CTDSPL2: variants seen among roughly 807,000 people sequenced by gnomAD.
CTDSPL2 encodes CTD small phosphatase-like protein 2.
CTDSPL2 carries 5 observed loss-of-function variants against 60.0 expected under a neutral mutation model. That is an observed-to-expected ratio of 0.08 (90% CI 0.04 to 0.18). The LOEUF (loss-of-function observed/expected upper bound fraction) is 0.18, where lower values mean the gene tolerates loss of function less well. CTDSPL2 is among the 10% of genes least tolerant of loss of function. CTDSPL2 has a pLI of 1.00. For synonymous variants in CTDSPL2, 186 were observed against 189.3 expected (o/e 0.98, Z 0.14); for missense variants, 370 against 548.8 (o/e 0.67, Z 3.26).
chr15:44,507,227 G>C (rs1460646153), intron 8 of CTDSPL2, among the ~76,000 whole-genome samples: 12 of 152,042 alleles, frequency 7.9e-5, no homozygotes, highest in Non-Finnish European at 1.8e-4. Context: ...TGGGATTACA[G>C]GCATGGGCCA....
chr15:44,519,569 A>C (rs1390867695), intron 11 of CTDSPL2: 1 of 246,902 alleles, frequency 4.1e-6, no homozygotes, highest in African/African-American at 2.3e-5. Flanking sequence ...TTATTAAATC[A>C]GTAATTAGTA....
At position 44,527,493 on chromosome 15, in the gene CTDSPL2, C is replaced by A. The variant is rs2081893739; in HGVS notation, c.*3319C>A. ...AGATCTTTCCTGCGAGCACAGAATT[C>A]TTCATAAGGACCAGATCTCTTCCAT... On this transcript the variant is annotated 3_prime_UTR_variant, in exon 13 of 13. Coordinates refer to ENST00000260327, the MANE Select transcript of CTDSPL2 (RefSeq NM_016396.3). 1 of 152,120 alleles carries A rather than the reference C, an allele frequency of 6.6e-6. No homozygotes were observed. The highest frequency in any genetic ancestry group is 6.5e-5 in the Admixed American group (1 of 15,268). The allele number at this position is 152,120 out of a possible 1,614,324, so 9.4% of individuals were successfully genotyped here. A position where few individuals can be genotyped will look rare whatever the true frequency, so the allele number is the denominator to read the frequency against.
intron 1 of CTDSPL2, among the ~76,000 whole-genome samples, chr15:44,430,778 C>A (rs888442673): frequency 2.0e-5 from 3 of 151,734 alleles, no homozygotes; most frequent in Admixed American, 1.3e-4. Flanking sequence ...TAAAAAGTAC[C>A]TGATTGTTTT....
chr15:44,502,090 G>T, intron 8 of CTDSPL2: 1 of 374,450 alleles, frequency 2.7e-6, no homozygotes, highest in Non-Finnish European at 5.3e-6. Flanking sequence ...ACTATGATGT[G>T]GCCCACTTAA....
At chr15:44,496,814 T>C (rs2081308720) in intron 6 of CTDSPL2, among the ~76,000 whole-genome samples, 1 of 152,158 alleles carries the variant, frequency 6.6e-6, no homozygotes, top group South Asian at 2.1e-4. Context: ...TGACCTGTGA[T>C]AGAGTGAGAC....
chr15:44,448,152 G>T, intron 1 of CTDSPL2: 1 of 255,042 alleles, frequency 3.9e-6, no homozygotes, highest in South Asian at 4.1e-5. Context: ...CAGAGCCCAT[G>T]TGCTCAATGG....
intron 3 of CTDSPL2, among the ~76,000 whole-genome samples, chr15:44,485,966 T>C (rs2081111393): frequency 6.6e-6 from 1 of 152,220 alleles, no homozygotes; most frequent in Non-Finnish European, 1.5e-5. Context: ...TACTTTTATA[T>C]TCTTAAAAGA....
intron 2 of CTDSPL2, among the ~76,000 whole-genome samples, chr15:44,477,419 C>G (rs2080940657): frequency 6.6e-6 from 1 of 152,012 alleles, no homozygotes; most frequent in South Asian, 2.1e-4. Flanking sequence ...CCTGTAGTCC[C>G]AGCTACTTGG....
At chr15:44,481,114 T>C (rs2081018901) in intron 2 of CTDSPL2, among the ~76,000 whole-genome samples, 1 of 152,132 alleles carries the variant, frequency 6.6e-6, no homozygotes, top group Admixed American at 6.5e-5. Context: ...GGCAGGAGGA[T>C]TGCTTGGGGC....
rs201721922 is a variant in CTDSPL2 at position 44,525,975 on chromosome 15, C to CA, written c.*1811dup. 0.019 allele frequency: 2,490 copies of CA among 130,008 alleles called. 57 individuals carry two copies. The highest frequency in any genetic ancestry group is 0.098 in the East Asian group (450 of 4,578). 8.1% of individuals were successfully genotyped at this position (130,008 alleles called of 1,614,324 possible). A position where few individuals can be genotyped will look rare whatever the true frequency, so the allele number is the denominator to read the frequency against. On this transcript the variant is annotated 3_prime_UTR_variant, in exon 13 of 13. Coordinates refer to ENST00000260327, the MANE Select transcript of CTDSPL2 (RefSeq NM_016396.3). Reference sequence around the variant, plus strand: ...AAAAATAATCATGGCAGATTTTCTGCAAAAAAAAAACAAAAGCATTTGCAA... The same window carrying CA: ...AAAAATAATCATGGCAGATTTTCTGCAAAAAAAAAAACAAAAGCATTTGCAA...
In CTDSPL2 at chr15:44,486,497, C is replaced by G. The variant is rs899975508; in HGVS notation, c.326-54C>G. On this transcript the variant is annotated intron_variant, in intron 3 of 12. Coordinates refer to ENST00000260327, the MANE Select transcript of CTDSPL2 (RefSeq NM_016396.3). ...TCTATAATGAATGATTTATAACACA[C>G]TTCTGAAATTCAGTGTTTTCTAGAT... 9.5e-6 allele frequency: 12 copies of G among 1,269,008 alleles called. No individual in the cohort carries two copies. In the Admixed American group the frequency reaches 1.3e-4, roughly 14 times the overall value. The allele number at this position is 1,269,008 out of a possible 1,614,324, so 78.6% of individuals were successfully genotyped here.
At chr15:44,456,653 A>G (rs1198343434) in intron 1 of CTDSPL2, among the ~76,000 whole-genome samples, 1 of 151,952 alleles carries the variant, frequency 6.6e-6, no homozygotes, top group Non-Finnish European at 1.5e-5. Flanking sequence ...TAGTCTTGCT[A>G]GCGTCCTGTC....
intron 2 of CTDSPL2, among the ~76,000 whole-genome samples, chr15:44,470,972 C>T (rs752784344): frequency 6.6e-6 from 1 of 152,050 alleles, no homozygotes; most frequent in East Asian, 1.9e-4. Flanking sequence ...TACACCTGTT[C>T]AAAGTGTTTG....
intron 8 of CTDSPL2, among the ~76,000 whole-genome samples, chr15:44,510,959 T>C (rs1339544568): frequency 6.6e-6 from 1 of 152,198 alleles, no homozygotes; most frequent in African/African-American, 2.4e-5. Flanking sequence ...TCCAAATAAC[T>C]TAGACGCTGC....
At chr15:44,510,394 A>C (rs568674748) in intron 8 of CTDSPL2, among the ~76,000 whole-genome samples, 8 of 152,300 alleles carry the variant, frequency 5.3e-5, no homozygotes, top group Non-Finnish European at 8.8e-5. Flanking sequence ...GTAGTAGTCA[A>C]TCTTGAATAG....
intron 1 of CTDSPL2, among the ~76,000 whole-genome samples, chr15:44,435,827 G>C (rs1022358658): frequency 1.4e-4 from 21 of 152,010 alleles, no homozygotes; most frequent in African/African-American, 5.1e-4. Context: ...GGCTGGTCTC[G>C]AACTCCAGAC....
chr15:44,446,173 C>T (rs1043397791), intron 1 of CTDSPL2, among the ~76,000 whole-genome samples: 3 of 152,082 alleles, frequency 2.0e-5, no homozygotes, highest in South Asian at 2.1e-4. Flanking sequence ...ATCCACCCAC[C>T]TCGACCTCCC....
At chr15:44,495,355 G>A (rs548996027) in intron 5 of CTDSPL2, among the ~76,000 whole-genome samples, 15 of 151,718 alleles carry the variant, frequency 9.9e-5, no homozygotes, top group African/African-American at 3.1e-4. Context: ...GGCCGAGGCC[G>A]GTGGATCATG....
intron 1 of CTDSPL2, among the ~76,000 whole-genome samples, chr15:44,442,898 C>T (rs1317786667): frequency 1.3e-5 from 2 of 151,898 alleles, no homozygotes; most frequent in African/African-American, 4.8e-5. Flanking sequence ...ATCGCTTGAG[C>T]CTGGGACGTT....
Sources: gnomAD v4.1 joint callset for allele counts (sites outside exome capture counted in the v4.1 genomes callset) on GRCh38, gnomAD v4.1.1 for gene constraint, MANE v1.5 for transcripts, NCBI Gene and HGNC (gene_info 2026-07-23, HGNC 2026-07-21) for gene names.